ST6GALNAC5: variants seen among roughly 807,000 people sequenced by gnomAD.
ST6GALNAC5 encodes alpha-N-acetylgalactosaminide alpha-2,6-sialyltransferase 5.
ST6GALNAC5 carries 27 observed loss-of-function variants against 33.6 expected under a neutral mutation model. The observed-to-expected ratio is 0.80, with a 90% CI of 0.59 to 1.11. ST6GALNAC5 has a LOEUF of 1.11. ST6GALNAC5 is among the 50% of genes least tolerant of loss of function. The pLI is 0.00. For missense variants in ST6GALNAC5, 428 were observed against 454.0 expected (o/e 0.94, Z 0.52); for synonymous variants, 194 against 171.2 (o/e 1.13, Z -1.04).
Position 76,868,829 on chromosome 1 carries a change from G to T in ST6GALNAC5, c.261+87G>T, listed in dbSNP as rs946891340. On this transcript the variant is annotated intron_variant, in intron 2 of 4. Transcript: ENST00000477717. This position sits in a 1 kb window ranked among gnomAD's most constrained non-coding sequence, Gnocchi z 4.3. Reference sequence around the variant, plus strand: ...TCCCCCTTTCCCGGGGCTGGGAGGCGCTGTGAGTAGGTGCCGTTCGAAGGC... The same window carrying T: ...TCCCCCTTTCCCGGGGCTGGGAGGCTCTGTGAGTAGGTGCCGTTCGAAGGC... 10 of 1,428,246 alleles carry T rather than the reference G, an allele frequency of 7.0e-6. No individual in the cohort carries two copies. In the South Asian group the frequency reaches 9.0e-5, roughly 13 times the overall value. 88.5% of individuals were successfully genotyped at this position (1,428,246 alleles called of 1,614,324 possible). A position where few individuals can be genotyped will look rare whatever the true frequency, so the allele number is the denominator to read the frequency against.
At chr1:77,059,151 C>T (rs917182569) in intron 4 of ST6GALNAC5, among the ~76,000 whole-genome samples, 4 of 152,130 alleles carry the variant, frequency 2.6e-5, no homozygotes, top group Non-Finnish European at 5.9e-5. Context: ...TATCCAGCTT[C>T]CCCTAATGCG....
In ST6GALNAC5 at chr1:77,050,334, G is replaced by A. The variant is rs767744956; in HGVS notation, c.748G>A (p.Val250Ile). ...ACTGGAGCTCTGTGACAGGATCAAT[G>A]TTTATGGCATGGTGCCCCCAGACTT... The part of the protein sequence containing the change: ...IALELCDRIN[V>I]YGMVPPDFCR... The change falls in exon 4 of 5, where the codon GTT (valine) becomes ATT (isoleucine). Residue 250 changes from valine to isoleucine, a missense_variant. Val to Ile is a conservative substitution (Grantham distance 29). Coordinates refer to ENST00000477717, the MANE Select transcript of ST6GALNAC5 (RefSeq NM_030965.3). 6.2e-7 allele frequency: 1 copy of A among 1,613,974 alleles called. No individual in the cohort carries two copies. The highest frequency in any genetic ancestry group is 1.3e-5 in the African/African-American group (1 of 74,936).
chr1:77,021,894 G>A (rs1260979421), intron 2 of ST6GALNAC5, among the ~76,000 whole-genome samples: 1 of 152,126 alleles, frequency 6.6e-6, no homozygotes, highest in Non-Finnish European at 1.5e-5. Flanking sequence ...ACACATCTCA[G>A]GAGGCTTAAG....
chr1:76,915,434 G>A (rs554220591), intron 2 of ST6GALNAC5, among the ~76,000 whole-genome samples: 16 of 152,186 alleles, frequency 1.1e-4, no homozygotes, highest in East Asian at 1.9e-4. Flanking sequence ...CAAAGACTTC[G>A]AACCAACCCA....
chr1:76,977,493 C>A (rs900077013), intron 2 of ST6GALNAC5, among the ~76,000 whole-genome samples: 1 of 152,166 alleles, frequency 6.6e-6, no homozygotes, highest in African/African-American at 2.4e-5. Flanking sequence ...CCTTCCCCAG[C>A]CTCTGATAAC....
At chr1:76,955,139 A>C (rs893202568) in intron 2 of ST6GALNAC5, among the ~76,000 whole-genome samples, 2 of 152,172 alleles carry the variant, frequency 1.3e-5, no homozygotes, top group Non-Finnish European at 2.9e-5. Flanking sequence ...GTTTAAACAG[A>C]CAAACCCAAA....
At chr1:76,993,488 T>C (rs1387415400) in intron 2 of ST6GALNAC5, among the ~76,000 whole-genome samples, 1 of 152,228 alleles carries the variant, frequency 6.6e-6, no homozygotes, top group Non-Finnish European at 1.5e-5. Context: ...CAGCTTTCCC[T>C]AAGGAATTTT....
chr1:76,870,449 A>G (rs996388027), intron 2 of ST6GALNAC5, among the ~76,000 whole-genome samples: 4 of 152,202 alleles, frequency 2.6e-5, no homozygotes, highest in African/African-American at 9.6e-5. Flanking sequence ...GATTTCTAAT[A>G]CTTTTCTTCC....
At chr1:77,052,918 A>G (rs1326929665) in intron 4 of ST6GALNAC5, among the ~76,000 whole-genome samples, 1 of 27,486 alleles carries the variant, frequency 3.6e-5, no homozygotes, top group Non-Finnish European at 7.8e-5. Context: ...GCTCTGTCTC[A>G]AAAAAAAAAA....
intron 2 of ST6GALNAC5, among the ~76,000 whole-genome samples, chr1:76,995,707 T>G (rs1478537973): frequency 6.6e-6 from 1 of 151,910 alleles, no homozygotes; most frequent in Non-Finnish European, 1.5e-5. Flanking sequence ...TTATTAATAT[T>G]TATTTAAAAC....
chr1:76,905,488 C>T (rs912098057), intron 2 of ST6GALNAC5, among the ~76,000 whole-genome samples: 9 of 152,130 alleles, frequency 5.9e-5, no homozygotes, highest in African/African-American at 1.9e-4. Context: ...AAGGGAACAG[C>T]GTATTTCTCC....
chr1:76,915,674 C>T (rs1370745186), intron 2 of ST6GALNAC5, among the ~76,000 whole-genome samples: 4 of 145,262 alleles, frequency 2.8e-5, no homozygotes, highest in Non-Finnish European at 4.5e-5. Context: ...AGGGGAACAT[C>T]GCACTCGGGG....
chr1:77,053,861 T>A (rs937710228), intron 4 of ST6GALNAC5, among the ~76,000 whole-genome samples: 1 of 150,622 alleles, frequency 6.6e-6, no homozygotes, highest in Non-Finnish European at 1.5e-5. Flanking sequence ...GCAGGACATC[T>A]CATGGGCTGC....
chr1:77,050,158 T>G, intron 3 of ST6GALNAC5, 100 bp from the exon 4 acceptor site: 4 of 928,496 alleles, frequency 4.3e-6, no homozygotes, highest in Non-Finnish European at 5.2e-6. Context: ...AGGGAGAGAC[T>G]CTTGTTTATA....
At chr1:76,896,149 C>A (rs530992022) in intron 2 of ST6GALNAC5, among the ~76,000 whole-genome samples, 15 of 152,296 alleles carry the variant, frequency 9.8e-5, no homozygotes, top group African/African-American at 3.6e-4. Flanking sequence ...GAAGGCTAAA[C>A]TGAGGAATTG....
chr1:77,038,998 A>G (rs1370615073), intron 2 of ST6GALNAC5, among the ~76,000 whole-genome samples: 1 of 152,194 alleles, frequency 6.6e-6, no homozygotes, highest in African/African-American at 2.4e-5. Flanking sequence ...TTCTGGGATG[A>G]TGGCAAATAC....
intron 2 of ST6GALNAC5, among the ~76,000 whole-genome samples, chr1:76,979,458 C>T (rs970558902): frequency 5.3e-5 from 8 of 152,096 alleles, no homozygotes; most frequent in African/African-American, 1.9e-4. Flanking sequence ...GAATAGAGAA[C>T]CCAGAAATAA....
At chr1:77,029,161 T>C (rs1651357603) in intron 2 of ST6GALNAC5, among the ~76,000 whole-genome samples, 1 of 152,188 alleles carries the variant, frequency 6.6e-6, no homozygotes, top group Admixed American at 6.5e-5. Context: ...TGATCAGAAC[T>C]GTATTTTAGA....
intron 2 of ST6GALNAC5, among the ~76,000 whole-genome samples, chr1:76,990,151 G>T (rs1649667974): frequency 6.6e-6 from 1 of 152,202 alleles, no homozygotes; most frequent in African/African-American, 2.4e-5. Flanking sequence ...GAAGTTTGGA[G>T]AAGGCTGCAT....
Sources: gnomAD v4.1 joint callset for allele counts (sites outside exome capture counted in the v4.1 genomes callset) on GRCh38, gnomAD v4.1.1 for gene constraint, Gnocchi (gnomAD v3.1) non-coding constraint, MANE v1.5 for transcripts, NCBI Gene and HGNC (gene_info 2026-07-23, HGNC 2026-07-21) for gene names.